Variants in GRM5 observed in about 807,000 individuals in gnomAD.
GRM5 encodes the protein glutamate metabotropic receptor 5, also known as metabotropic glutamate receptor 5.
GRM5 carries 19 observed loss-of-function variants against 83.1 expected under a neutral mutation model. The ratio of observed to expected loss-of-function variants is 0.23; its 90% CI spans 0.16 to 0.34. The LOEUF is 0.34. GRM5 is among the 10% of genes least tolerant of loss of function. The probability of loss-of-function intolerance (pLI) is 1.00; values close to 1 mark genes in which losing one functional copy is unlikely to be tolerated. For missense variants in GRM5, 1,160 were observed against 1,588.3 expected, an observed-to-expected ratio of 0.73 and a Z score of 4.58; for synonymous variants, 675 against 633.6, an observed-to-expected ratio of 1.07 and a Z score of -0.98.
intron 4 of GRM5, among the ~76,000 whole-genome samples, chr11:88,614,379 G>A (rs1351963775): frequency 6.6e-6 from 1 of 152,148 alleles, no homozygotes; most frequent in Non-Finnish European, 1.5e-5. Context: ...AGTAGTAACT[G>A]TGTCAAAATG....
chr11:88,980,623 C>A (rs1215143611), intron 2 of GRM5, among the ~76,000 whole-genome samples: 1 of 152,050 alleles, frequency 6.6e-6, no homozygotes, highest in Non-Finnish European at 1.5e-5. Flanking sequence ...GAGATCTAGA[C>A]CATCCTGGCT....
chr11:88,595,094 C>G (rs1205662641), intron 6 of GRM5, among the ~76,000 whole-genome samples: 1 of 152,014 alleles, frequency 6.6e-6, no homozygotes, highest in Non-Finnish European at 1.5e-5. Flanking sequence ...TTTTTTATCA[C>G]ATACTTCTTT....
chr11:88,661,537 C>T (rs1287247342), intron 3 of GRM5, among the ~76,000 whole-genome samples: 1 of 151,884 alleles, frequency 6.6e-6, no homozygotes, highest in African/African-American at 2.4e-5. Flanking sequence ...AATCATCATC[C>T]TGCCAAATCT....
chr11:88,900,304 G>T (rs1466768704), intron 2 of GRM5, among the ~76,000 whole-genome samples: 2 of 152,136 alleles, frequency 1.3e-5, no homozygotes, highest in African/African-American at 2.4e-5. Flanking sequence ...CATGGCACAA[G>T]CACTCCTATC....
At position 88,660,514 on chromosome 11, in the gene GRM5, A is replaced by G. The variant is rs531354443; in HGVS notation, c.912-7111T>C. 4.6e-4 allele frequency among the ~76,000 whole-genome samples: 70 copies of G among 152,326 alleles called. No individual in the cohort carries two copies. The South Asian group carries it at 0.012, about 27-fold the overall frequency. ...GTGCTACCTGCCATAGGCAAACAAC[A>G]TAAGTACATTCTGTACCCAAAGGAG... On this transcript the variant is annotated intron_variant, in intron 3 of 9. Transcript: ENST00000305447.
chr11:88,855,729 A>G (rs1207456013), intron 2 of GRM5, among the ~76,000 whole-genome samples: 3 of 151,932 alleles, frequency 2.0e-5, no homozygotes, highest in African/African-American at 7.2e-5. Flanking sequence ...ATTATAATAA[A>G]TTAAAATAGA....
intron 3 of GRM5, among the ~76,000 whole-genome samples, chr11:88,756,963 C>G (rs1248993618): frequency 2.0e-5 from 3 of 151,990 alleles, no homozygotes; most frequent in Non-Finnish European, 4.4e-5. Flanking sequence ...AAATGGAACT[C>G]AAAAAACTCA....
chr11:88,862,714 A>G (rs568248840), intron 2 of GRM5, among the ~76,000 whole-genome samples: 2 of 151,948 alleles, frequency 1.3e-5, no homozygotes, highest in Non-Finnish European at 2.9e-5. Flanking sequence ...ACATAGGTAA[A>G]CCTGTGCCAT....
At chr11:89,048,969 C>T (rs998683103) in intron 1 of GRM5, among the ~76,000 whole-genome samples, 13 of 152,236 alleles carry the variant, frequency 8.5e-5, no homozygotes, top group Middle Eastern at 3.4e-3. Flanking sequence ...ACGAAATAAA[C>T]GCTTTACAAG....
chr11:88,887,752 C>T (rs1278146318), intron 2 of GRM5, among the ~76,000 whole-genome samples: 3 of 152,110 alleles, frequency 2.0e-5, no homozygotes, highest in Non-Finnish European at 4.4e-5. Context: ...CTGCACTCCC[C>T]TGGAGTGCAT....
At chr11:89,021,201 G>C (rs1391555706) in intron 2 of GRM5, among the ~76,000 whole-genome samples, 1 of 152,138 alleles carries the variant, frequency 6.6e-6, no homozygotes, top group Non-Finnish European at 1.5e-5. Flanking sequence ...AAAAGAAAAA[G>C]CTTTATGAAG....
chr11:88,815,256 A>G (rs1049133459), intron 3 of GRM5, among the ~76,000 whole-genome samples: 4 of 152,236 alleles, frequency 2.6e-5, no homozygotes, highest in Non-Finnish European at 1.5e-5. Context: ...ATTAAATTAT[A>G]TATCAGTACC....
chr11:88,701,756 G>T (rs931530821), intron 3 of GRM5, among the ~76,000 whole-genome samples: 2 of 152,096 alleles, frequency 1.3e-5, no homozygotes, highest in African/African-American at 4.8e-5. Flanking sequence ...TCTTTAATTT[G>T]CAATTAGTTA....
Position 88,968,008 on chromosome 11 carries a change from C to T in GRM5, c.661+79204G>A, listed in dbSNP as rs925245019. On this transcript the variant is annotated intron_variant, in intron 2 of 9. Coordinates refer to ENST00000305447, the MANE Select transcript of GRM5 (RefSeq NM_001143831.3). The stretch of plus-strand genomic sequence containing the variant: ...TTAGGCCTTCCCCTTCCTTTGAATT[C>T]GAATTTGGATGTGATGTCTATTGAT... 3.3e-5 allele frequency among the ~76,000 whole-genome samples: 5 copies of T among 152,008 alleles called. No homozygotes were observed. In the East Asian group the frequency reaches 7.7e-4, roughly 23 times the overall value.
At chr11:88,707,044 C>T (rs1941177311) in intron 3 of GRM5, among the ~76,000 whole-genome samples, 1 of 152,074 alleles carries the variant, frequency 6.6e-6, no homozygotes, top group South Asian at 2.1e-4. Flanking sequence ...TTCTGCATCG[C>T]TCTGCACAAC....
chr11:88,639,404 G>C (rs908165340), intron 4 of GRM5, among the ~76,000 whole-genome samples: 1 of 151,960 alleles, frequency 6.6e-6, no homozygotes, highest in African/African-American at 2.4e-5. Flanking sequence ...CTTGTCTCTT[G>C]AGAATAATGT....
At chr11:88,638,071 T>C (rs371789888) in intron 4 of GRM5, among the ~76,000 whole-genome samples, 8 of 148,020 alleles carry the variant, frequency 5.4e-5, no homozygotes, top group African/African-American at 1.5e-4. Context: ...AACCAAACAC[T>C]GCGTATTCTC....
intron 2 of GRM5, among the ~76,000 whole-genome samples, chr11:89,021,617 G>A (rs571331413): frequency 6.6e-6 from 1 of 152,266 alleles, no homozygotes. Context: ...GTGATCCCTT[G>A]AAAAAACTGG....
intron 3 of GRM5, among the ~76,000 whole-genome samples, chr11:88,756,113 C>T (rs1942388984): frequency 6.6e-6 from 1 of 152,120 alleles, no homozygotes; most frequent in African/African-American, 2.4e-5. Flanking sequence ...TTTTTGCCTC[C>T]AATAGACATG....
Sources: allele counts gnomAD v4.1 joint callset (sites outside exome capture counted in the v4.1 genomes callset), GRCh38; gene constraint gnomAD v4.1.1; transcripts MANE v1.5; gene names NCBI Gene and HGNC (gene_info 2026-07-23, HGNC 2026-07-21).